PDE1A: variants seen among roughly 807,000 people sequenced by gnomAD.
PDE1A encodes phosphodiesterase 1A.
Under a neutral mutation model 61.7 loss-of-function variants are expected in PDE1A, and 35 were observed. The ratio of observed to expected loss-of-function variants is 0.57; its 90% CI spans 0.43 to 0.75. The LOEUF (loss-of-function observed/expected upper bound fraction) is 0.75. Among genes scored for constraint, PDE1A ranks in the 30% least tolerant of loss-of-function variants. The pLI is 0.00. For missense variants in PDE1A, 597 were observed against 630.6 expected (o/e 0.95, Z 0.57); for synonymous variants, 232 against 213.2 (o/e 1.09, Z -0.77).
At chr2:182,298,661 T>C (rs1695044885) in intron 1 of PDE1A, among the ~76,000 whole-genome samples, 1 of 152,120 alleles carries the variant, frequency 6.6e-6, no homozygotes, top group Non-Finnish European at 1.5e-5. Flanking sequence ...TGCCCCACTT[T>C]ACCTCATTAC....
At chr2:182,375,057 A>G (rs2125270591) in intron 1 of PDE1A, among the ~76,000 whole-genome samples, 1 of 152,308 alleles carries the variant, frequency 6.6e-6, no homozygotes, top group African/African-American at 2.4e-5. Context: ...CATTACTCAA[A>G]TTATCTTCCA....
chr2:182,261,561 A>G (rs13432152), intron 2 of PDE1A, among the ~76,000 whole-genome samples: 7,265 of 152,232 alleles, frequency 0.048, 536 homozygotes, highest in African/African-American at 0.17. Flanking sequence ...TTGTTATGTG[A>G]AGGAAAAAAA....
At chr2:182,403,459 C>T (rs907218886) in intron 1 of PDE1A, among the ~76,000 whole-genome samples, 4 of 151,786 alleles carry the variant, frequency 2.6e-5, no homozygotes, top group South Asian at 2.1e-4. Flanking sequence ...ATTAGCCGTG[C>T]GTGGTGGCGG....
downstream of PDE1A, chr2:182,146,905 T>C (rs1444174095): frequency 1.5e-5 from 6 of 412,476 alleles, no homozygotes; most frequent in East Asian, 1.8e-4. Flanking sequence ...TAAGATTTTG[T>C]CTCAAAGGAT....
At chr2:182,552,497 G>A in the PDE1A span, among the ~76,000 whole-genome samples, 1 of 150,080 alleles carries the variant, frequency 6.7e-6, no homozygotes, top group East Asian at 2.0e-4. Flanking sequence ...CAGGCTGGAG[G>A]GTGGTGGCGT....
At chr2:182,386,098 C>T (rs1202738022) in intron 1 of PDE1A, among the ~76,000 whole-genome samples, 3 of 152,178 alleles carry the variant, frequency 2.0e-5, no homozygotes, top group Admixed American at 6.5e-5. Context: ...CCGCCAGCCT[C>T]GGCCTCCTGA....
At chr2:182,468,305 T>C (rs1391914469) in intron 2 of PDE1A, among the ~76,000 whole-genome samples, 2 of 152,010 alleles carry the variant, frequency 1.3e-5, no homozygotes, top group African/African-American at 4.8e-5. Flanking sequence ...ACTAAGTTTA[T>C]GTACAAGTTT....
At chr2:182,264,585 A>T (rs1442355562) in intron 1 of PDE1A, among the ~76,000 whole-genome samples, 171 bp from the exon 2 acceptor site, 1 of 151,924 alleles carries the variant, frequency 6.6e-6, no homozygotes, top group Non-Finnish European at 1.5e-5. Context: ...ACCAGTCTTT[A>T]TTATGTAAGG....
chr2:182,505,338 C>A (rs781720502), intron 2 of PDE1A, among the ~76,000 whole-genome samples: 1 of 152,184 alleles, frequency 6.6e-6, no homozygotes, highest in Non-Finnish European at 1.5e-5. Flanking sequence ...CTCCTACCCA[C>A]TATGTAGTTA....
At chr2:182,186,127 G>A (rs767111536) in intron 12 of PDE1A, 48 bp from the exon 13 acceptor site, 2 of 1,582,964 alleles carry the variant, frequency 1.3e-6, no homozygotes, top group Non-Finnish European at 1.7e-6. Context: ...AGGATATGGG[G>A]TGAACAAGGA....
At chr2:182,641,260 A>T in the PDE1A span, among the ~76,000 whole-genome samples, 3 of 152,006 alleles carry the variant, frequency 2.0e-5, no homozygotes, top group Non-Finnish European at 2.9e-5. Flanking sequence ...CATATGGGGG[A>T]AAAGGATGAG....
chr2:182,571,679 A>G, the PDE1A span, among the ~76,000 whole-genome samples: 1 of 151,946 alleles, frequency 6.6e-6, no homozygotes, highest in East Asian at 1.9e-4. Flanking sequence ...AAAAATAATA[A>G]TAATAATAAT....
the PDE1A span, among the ~76,000 whole-genome samples, chr2:182,561,453 C>T: frequency 6.6e-6 from 1 of 152,150 alleles, no homozygotes; most frequent in Non-Finnish European, 1.5e-5. Context: ...GTTTTGGTTA[C>T]TGTAGTCTGG....
At chr2:182,226,056 T>C (rs1689115014) in intron 6 of PDE1A, among the ~76,000 whole-genome samples, 2 of 149,664 alleles carry the variant, frequency 1.3e-5, no homozygotes, top group Non-Finnish European at 2.9e-5. Flanking sequence ...TTAAACTAGT[T>C]TTGTACCCTA....
intron 2 of PDE1A, among the ~76,000 whole-genome samples, chr2:182,472,155 T>C (rs1687067570): frequency 6.6e-6 from 1 of 151,924 alleles, no homozygotes; most frequent in Non-Finnish European, 1.5e-5. Context: ...TGGAGATTTC[T>C]CAAAGAACTA....
rs938653439 is a variant in PDE1A, at chr2:182,467,363, T to A, written c.101+54913A>T. 2.0e-4 allele frequency among the ~76,000 whole-genome samples: 30 copies of A among 152,078 alleles called. 1 individual carries two copies. The South Asian group carries it at 2.5e-3, about 13-fold the overall frequency. On this transcript the variant is annotated intron_variant, in intron 2 of 14. Transcript: ENST00000410103. ...CTAAATATCACATGAAGAACATTTT[T>A]AAAAATTGAGTAGTTTTATATTAAA...
At chr2:182,456,553 C>T in intron 2 of PDE1A, among the ~76,000 whole-genome samples, 1 of 152,056 alleles carries the variant, frequency 6.6e-6, no homozygotes, top group East Asian at 1.9e-4. Context: ...GGCATGATGA[C>T]ACTTAGAGAT....
intron 1 of PDE1A, among the ~76,000 whole-genome samples, chr2:182,408,201 C>T (rs1311561327): frequency 7.8e-6 from 1 of 127,402 alleles, no homozygotes; most frequent in East Asian, 2.6e-4. Flanking sequence ...AAAAAAAAAG[C>T]AGTGGCTACC....
chr2:182,634,055 C>G, the PDE1A span, among the ~76,000 whole-genome samples: 1 of 151,698 alleles, frequency 6.6e-6, no homozygotes, highest in East Asian at 1.9e-4. Flanking sequence ...CACCATTGTA[C>G]TCTAAGCCTG....
Sources: gnomAD v4.1 joint callset for allele counts (sites outside exome capture counted in the v4.1 genomes callset) on GRCh38, gnomAD v4.1.1 for gene constraint, MANE v1.5 for transcripts, NCBI Gene and HGNC (gene_info 2026-07-23, HGNC 2026-07-21) for gene names.